POLR3A: variants seen among roughly 807,000 people sequenced by gnomAD.
POLR3A encodes the protein DNA-directed RNA polymerase III subunit RPC1.
Under a neutral mutation model 152.8 loss-of-function variants are expected in POLR3A, and 112 were observed. The observed-to-expected ratio is 0.73, with a 90% CI of 0.63 to 0.86. The LOEUF is 0.86. Among genes scored for constraint, POLR3A ranks in the 40% least tolerant of loss-of-function variants. The pLI, the probability that POLR3A is intolerant of heterozygous loss-of-function variation, is 0.00. For synonymous variants in POLR3A, 615 were observed against 652.1 expected (o/e 0.94, Z 0.87); for missense variants, 1,385 against 1,743.1 (o/e 0.79, Z 3.66).
intron 21 of POLR3A, among the ~76,000 whole-genome samples, chr10:77,986,721 C>T (rs1312396714): frequency 3.3e-5 from 5 of 152,192 alleles, no homozygotes; most frequent in East Asian, 1.9e-4. Context: ...CCTCTCCCCA[C>T]AGGCCTAGGC....
At chr10:78,023,704 G>A (rs1158970372) in intron 5 of POLR3A, among the ~76,000 whole-genome samples, 3 of 151,910 alleles carry the variant, frequency 2.0e-5, no homozygotes, top group African/African-American at 7.3e-5. Flanking sequence ...CTTGAGCCTA[G>A]GAGGTCGGGG....
chr10:78,006,730 G>C (rs1847415664), intron 15 of POLR3A, among the ~76,000 whole-genome samples: 1 of 152,158 alleles, frequency 6.6e-6, no homozygotes, highest in African/African-American at 2.4e-5. Context: ...TCAGTGCTTA[G>C]CACAGTGAAT....
intron 15 of POLR3A, among the ~76,000 whole-genome samples, chr10:78,005,374 G>T (rs768752930): frequency 1.3e-5 from 2 of 152,348 alleles, no homozygotes; most frequent in East Asian, 1.9e-4. Flanking sequence ...AGCTACTTGG[G>T]AGGTGGAGGT....
At position 78,003,844 on chromosome 10, in the gene POLR3A, G is replaced by A. The variant is rs533064463; in HGVS notation, c.2247+872C>T. ...TTAGGATGTTGAGGCAGGGATAATT[G>A]CTTGCACCCAGGAGGTAGAGGTTGC... On this transcript the variant is annotated intron_variant, in intron 16 of 30. Transcript: ENST00000372371. Among the ~76,000 whole-genome samples the A allele has an allele frequency of 2.0e-5, 3 of 152,140 alleles. No homozygotes were observed. In the East Asian group the frequency reaches 5.8e-4, roughly 29 times the overall value.
chr10:78,006,242 CA>C (rs1317178879), intron 15 of POLR3A, among the ~76,000 whole-genome samples: 2 of 151,432 alleles, frequency 1.3e-5, no homozygotes, highest in African/African-American at 4.8e-5. Context: ...ACTAAAAACA[CA>C]AAAATTAGCC....
chr10:78,025,263 A>G, intron 3 of POLR3A, 121 bp from the exon 4 acceptor site: 1 of 1,029,616 alleles, frequency 9.7e-7, no homozygotes, highest in South Asian at 1.3e-5. Flanking sequence ...CAGATCTGCA[A>G]ATGGCTCTAT....
intron 19 of POLR3A, among the ~76,000 whole-genome samples, chr10:77,999,082 A>G (rs536525913): frequency 5.1e-4 from 78 of 152,272 alleles, no homozygotes; most frequent in Non-Finnish European, 8.7e-4. Flanking sequence ...GTTCTCACTC[A>G]TAGGTGGAAA....
intron 24 of POLR3A, among the ~76,000 whole-genome samples, chr10:77,984,558 T>G (rs1015878732): frequency 2.0e-5 from 3 of 152,170 alleles, no homozygotes; most frequent in Non-Finnish European, 4.4e-5. Flanking sequence ...TTAGCCAGGA[T>G]GTCTTGATCT....
rs752394177 is a variant in POLR3A, at chr10:77,981,415, C to T, written c.3891+13G>A. 13 of 1,613,626 alleles carry T rather than the reference C, an allele frequency of 8.1e-6. No individual in the cohort carries two copies. The highest frequency in any genetic ancestry group is 1.3e-5 in the African/African-American group (1 of 74,918). On this transcript the variant is annotated intron_variant, in intron 29 of 30. Coordinates refer to ENST00000372371, the MANE Select transcript of POLR3A (RefSeq NM_007055.4). ...GGATGCCCAGGCAGCCCGGGGGCCT[C>T]CTGCCCACATACCTTGTAGGTCATG...
intron 10 of POLR3A, 29 bp downstream of exon 10, chr10:78,017,546 T>C: frequency 6.2e-7 from 1 of 1,612,472 alleles, no homozygotes; most frequent in Non-Finnish European, 8.5e-7. Flanking sequence ...TTCTACGTGA[T>C]GGAAAATTTA....
rs1847488896 is a variant in POLR3A at position 78,013,737 on chromosome 10, GGGTGTACAGACACACT to G, written c.1469_1484del (p.Glu490AlafsTer11). 1 of 1,613,898 alleles carries G rather than the reference GGGTGTACAGACACACT, an allele frequency of 6.2e-7. No individual in the cohort carries two copies. The highest frequency in any genetic ancestry group is 8.5e-7 in the Non-Finnish European group (1 of 1,179,912). On this transcript the variant is annotated frameshift_variant, in exon 11 of 31. Coordinates refer to ENST00000372371, the MANE Select transcript of POLR3A (RefSeq NM_007055.4). LOFTEE classifies it high-confidence loss of function. ...CATCACCATCAAAGTCAGCATTATA[GGGTGTACAGACACACT>G]CATTAAATCTGAAGGTCCGGTGGGG... is the stretch of plus-strand genomic sequence containing the variant.
chr10:78,022,016 T>C lies in POLR3A; in HGVS notation c.892A>G (p.Ile298Val). Reference protein sequence around the residue: ...FLNDVIKKHRISGAKTQMIME... With the variant: ...FLNDVIKKHRVSGAKTQMIME... ...ATCATCTGGGTCTTGGCTCCTGAGA[T>C]CCGATGCTAAAACCAGCACAGCCCA... Residue 298 changes from isoleucine (I) to valine (V), a missense_variant, in exon 7 of 31, where the codon ATC becomes GTC. Physicochemically the swap from Ile to Val is conservative, Grantham distance 29 (BLOSUM62 3). Transcript: ENST00000372371. 2 of 1,614,194 alleles carry C rather than the reference T, an allele frequency of 1.2e-6. No homozygotes were observed. Among genetic ancestry groups the C allele is most frequent in the South Asian group, 2.2e-5 (2 of 91,084 alleles).
rs774007232 is a variant in POLR3A, at chr10:78,007,771, G to A, written c.2005C>T (p.Arg669Ter). The A allele has an allele frequency of 1.9e-6, 3 of 1,613,828 alleles. No individual in the cohort carries two copies. The highest frequency in any genetic ancestry group is 2.2e-5 in the East Asian group (1 of 44,898). ...GCAGCTTCATTCTGTCCCCAGTCTCGCAGCAAAATGTAAAAAATATTGTTC... is the reference window on the plus strand; with the variant it reads ...GCAGCTTCATTCTGTCCCCAGTCTCACAGCAAAATGTAAAAAATATTGTTC... ...SKNNIFYILL[R>*]DWGQNEAADA... Residue 669 changes from arginine to a stop codon, truncating the protein, a stop_gained, in exon 15 of 31, where the codon CGA becomes TGA. Transcript: ENST00000372371. LOFTEE classifies it high-confidence loss of function.
intron 15 of POLR3A, among the ~76,000 whole-genome samples, chr10:78,005,856 T>TA (rs1226973325): frequency 1.3e-5 from 2 of 152,084 alleles, no homozygotes; most frequent in Admixed American, 6.5e-5. Flanking sequence ...TCCTTTTATA[T>TA]AAAAAAACTG....
At chr10:78,001,350 A>G (rs1382368321) in intron 17 of POLR3A, among the ~76,000 whole-genome samples, 2 of 152,164 alleles carry the variant, frequency 1.3e-5, no homozygotes, top group Non-Finnish European at 2.9e-5. Context: ...TGAGTCTTCA[A>G]GGAGGCTTCA....
intron 17 of POLR3A, among the ~76,000 whole-genome samples, chr10:78,001,856 C>G (rs1847360425): frequency 6.6e-6 from 1 of 151,430 alleles, no homozygotes; most frequent in Admixed American, 6.6e-5. Context: ...ATTGCCCAGG[C>G]TGATCTCAAA....
intron 16 of POLR3A, 106 bp downstream of exon 16, chr10:78,004,610 C>T: frequency 1.1e-6 from 1 of 897,548 alleles, no homozygotes; most frequent in Non-Finnish European, 1.8e-6. Context: ...CTTGACTTGC[C>T]CACTCCTTTG....
chr10:78,011,068 G>C (rs548540002), intron 11 of POLR3A, among the ~76,000 whole-genome samples: 1 of 152,048 alleles, frequency 6.6e-6, no homozygotes, highest in East Asian at 1.9e-4. Flanking sequence ...GACTGGTCTC[G>C]AACTCCTGGG....
rs190329364 is a variant in POLR3A, at chr10:77,986,094, G to A, written c.2967C>T (p.Ile989=). 6.2e-7 allele frequency: 1 copy of A among 1,600,884 alleles called. No individual in the cohort carries two copies. The highest frequency in any genetic ancestry group is 2.2e-5 in the East Asian group (1 of 44,818). The stretch of plus-strand genomic sequence containing the variant: ...TTACCTCTGTTGTGCCGTTATCATT[G>A]ATGCCATATTTATCTCTGGTTTTCT... ...KIKKTRDKYG[I]NDNGTTEPRV... Residue 989 remains isoleucine, a synonymous_variant, in exon 22 of 31, where the codon ATC becomes ATT. Transcript: ENST00000372371.
Sources: gnomAD v4.1 joint callset for allele counts (sites outside exome capture counted in the v4.1 genomes callset) on GRCh38, gnomAD v4.1.1 for gene constraint, MANE v1.5 for transcripts, NCBI Gene and HGNC (gene_info 2026-07-23, HGNC 2026-07-21) for gene names.